DOP1B: variants seen among roughly 807,000 people sequenced by gnomAD.
DOP1B encodes the protein protein DOP1B.
Under a neutral mutation model 233.5 loss-of-function variants are expected in DOP1B, and 174 were observed. That is an observed-to-expected ratio of 0.75 (90% CI 0.66 to 0.85). The LOEUF (loss-of-function observed/expected upper bound fraction) is 0.85. Ranked by LOEUF, DOP1B falls within the 40% of genes least tolerant of loss-of-function variation. The probability of loss-of-function intolerance (pLI) is 0.00; values close to 1 mark genes in which losing one functional copy is unlikely to be tolerated. For synonymous variants in DOP1B, 1,190 were observed against 1,185.6 expected, an observed-to-expected ratio of 1.00 and a Z score of -0.08; for missense variants, 2,652 against 2,846.6, an observed-to-expected ratio of 0.93 and a Z score of 1.56.
chr21:36,249,190 G>A (rs1032231100), intron 21 of DOP1B, among the ~76,000 whole-genome samples: 1 of 152,050 alleles, frequency 6.6e-6, no homozygotes, highest in South Asian at 2.1e-4. Context: ...ACTTTGGGAG[G>A]CCAAGATGGG....
intron 2 of DOP1B, among the ~76,000 whole-genome samples, chr21:36,166,529 A>G (rs982183817): frequency 2.0e-5 from 3 of 152,122 alleles, no homozygotes; most frequent in Non-Finnish European, 4.4e-5. Context: ...AGATGGGAGC[A>G]TTATATTTTC....
At position 36,198,290 on chromosome 21, in the gene DOP1B, A is replaced by C. The variant is rs151070403; in HGVS notation, c.139-780A>C. Reference sequence around the variant, plus strand: ...TAAAAATACAAAAAATTAGTCAGGCATGGTGGCGGGCACCTGTAGTCCCAG... The same window carrying C: ...TAAAAATACAAAAAATTAGTCAGGCCTGGTGGCGGGCACCTGTAGTCCCAG... On this transcript the variant is annotated intron_variant, in intron 2 of 36. Transcript: ENST00000691173. Among the ~76,000 whole-genome samples, 1,472 of 151,416 alleles carry C rather than the reference A, an allele frequency of 9.7e-3. 23 individuals carry two copies. The highest frequency in any genetic ancestry group is 0.033 in the African/African-American group (1,354 of 41,320).
Position 36,199,083 on chromosome 21 carries a change from A to G in DOP1B, c.152A>G (p.Asn51Ser), listed in dbSNP as rs377183346. The change falls in exon 3 of 37, where the codon AAC (asparagine) becomes AGC (serine). Residue 51 changes from asparagine to serine, a missense_variant. Asn to Ser is a conservative substitution (Grantham distance 46). Coordinates refer to ENST00000691173, the MANE Select transcript of DOP1B (RefSeq NM_001320714.2). The part of the protein sequence containing the change: ...LGKLNKALQS[N>S]LRYSLLPRRL... ...CTTGTTTGACAGGCTCTTCAGAGTAACCTGAGGTACTCCTTGTTGCCAAGA... is the reference window on the plus strand; with the variant it reads ...CTTGTTTGACAGGCTCTTCAGAGTAGCCTGAGGTACTCCTTGTTGCCAAGA... The G allele has an allele frequency of 1.2e-5, 20 of 1,612,452 alleles. No homozygotes were observed. The highest frequency in any genetic ancestry group is 2.2e-5 in the South Asian group (2 of 90,702).
chr21:36,270,992 A>G (rs549205415), intron 27 of DOP1B, among the ~76,000 whole-genome samples: 3 of 151,782 alleles, frequency 2.0e-5, no homozygotes, highest in Admixed American at 6.6e-5. Context: ...GTATGCATAT[A>G]TCAGCAGGGA....
At chr21:36,276,926 G>A in intron 27 of DOP1B, 95 bp from the exon 28 acceptor site, 1 of 1,155,610 alleles carries the variant, frequency 8.7e-7, no homozygotes. Context: ...TGAAAGGCGG[G>A]AGCTGATGGC....
At chr21:36,262,436 T>G (rs2067181452) in intron 24 of DOP1B, among the ~76,000 whole-genome samples, 1 of 152,196 alleles carries the variant, frequency 6.6e-6, no homozygotes, top group African/African-American at 2.4e-5. Flanking sequence ...GCTTCCTCGC[T>G]TTGGAGCGGT....
chr21:36,266,946 C>G (rs1222067963), intron 26 of DOP1B, among the ~76,000 whole-genome samples: 2 of 152,224 alleles, frequency 1.3e-5, no homozygotes, highest in Non-Finnish European at 2.9e-5. Flanking sequence ...TTTCCTTGTG[C>G]CCTTCACACC....
chr21:36,174,683 A>G (rs1293505284), intron 2 of DOP1B, among the ~76,000 whole-genome samples: 1 of 151,822 alleles, frequency 6.6e-6, no homozygotes, highest in Non-Finnish European at 1.5e-5. Flanking sequence ...TAATTTTTGT[A>G]TTTTCTTTTC....
intron 10 of DOP1B, among the ~76,000 whole-genome samples, chr21:36,222,610 A>T (rs1986129975): frequency 6.6e-6 from 1 of 152,046 alleles, no homozygotes; most frequent in Admixed American, 6.6e-5. Context: ...ATAAACATTT[A>T]AAATCTTGGC....
chr21:36,185,017 T>C (rs949881483), intron 2 of DOP1B, among the ~76,000 whole-genome samples: 1 of 152,162 alleles, frequency 6.6e-6, no homozygotes, highest in Non-Finnish European at 1.5e-5. Flanking sequence ...CTGTTGAGGA[T>C]TTGTAGTAAG....
rs543011760 is a variant in DOP1B, at chr21:36,294,272, T to G, written c.*701T>G. 2.0e-5 allele frequency: 3 copies of G among 152,770 alleles called. No homozygotes were observed. The highest frequency in any genetic ancestry group is 7.2e-5 in the African/African-American group (3 of 41,590). 9.5% of individuals were successfully genotyped at this position (152,770 alleles called of 1,614,324 possible). A position where few individuals can be genotyped will look rare whatever the true frequency, so the allele number is the denominator to read the frequency against. On this transcript the variant is annotated 3_prime_UTR_variant, in exon 37 of 37. Coordinates refer to ENST00000691173, the MANE Select transcript of DOP1B (RefSeq NM_001320714.2). ...TTAAAAGAATGTTATTTTTAACCTTTCACACAAATGTCCTTTAAAGTGCTT... is the reference window on the plus strand; with the variant it reads ...TTAAAAGAATGTTATTTTTAACCTTGCACACAAATGTCCTTTAAAGTGCTT...
intron 36 of DOP1B, among the ~76,000 whole-genome samples, chr21:36,293,059 A>G (rs2067577146): frequency 6.6e-6 from 1 of 152,116 alleles, no homozygotes; most frequent in African/African-American, 2.4e-5. Context: ...TACAAAAATT[A>G]GCTGGTCATG....
intron 18 of DOP1B, among the ~76,000 whole-genome samples, chr21:36,242,529 T>A (rs2066903937): frequency 6.6e-6 from 1 of 152,056 alleles, no homozygotes; most frequent in South Asian, 2.1e-4. Context: ...GCTAGACTGG[T>A]CTTGAACTCC....
intron 1 of DOP1B, among the ~76,000 whole-genome samples, chr21:36,160,737 C>T (rs557693605): frequency 8.5e-5 from 13 of 152,168 alleles, no homozygotes; most frequent in Non-Finnish European, 1.6e-4. Context: ...CTCGGCCTCC[C>T]GAAGTGCTGG....
At chr21:36,234,320 A>G (rs1314573985) in intron 15 of DOP1B, among the ~76,000 whole-genome samples, 1 of 152,216 alleles carries the variant, frequency 6.6e-6, no homozygotes, top group Non-Finnish European at 1.5e-5. Flanking sequence ...AAAATTTGGC[A>G]TATTTACACT....
rs769527131 is a variant in DOP1B, at chr21:36,214,082, C to T, written c.906C>T (p.Gly302=). 1 of 1,611,698 alleles carries T rather than the reference C, an allele frequency of 6.2e-7. No individual in the cohort carries two copies. Among genetic ancestry groups the T allele is most frequent in the South Asian group, 1.1e-5 (1 of 90,614 alleles). Residue 302 remains glycine, a splice_region_variant and synonymous_variant, in exon 8 of 37, where the codon GGC becomes GGT. Transcript: ENST00000691173. ...AGCTCGGCGCTTGTTCTTTTGTAGGCTCAGACATAAAAGGAAATACCGTTG... is the reference window on the plus strand; with the variant it reads ...AGCTCGGCGCTTGTTCTTTTGTAGGTTCAGACATAAAAGGAAATACCGTTG... ...LNRRLYAWLL[G]SDIKGNTVVP... is the part of the protein sequence containing the mutation.
At chr21:36,213,188 A>G (rs2066520230) in intron 7 of DOP1B, among the ~76,000 whole-genome samples, 1 of 152,194 alleles carries the variant, frequency 6.6e-6, no homozygotes, top group East Asian at 1.9e-4. Flanking sequence ...GAAGCTTACT[A>G]AGGATTTTAA....
chr21:36,270,279 G>A (rs1248861595), intron 27 of DOP1B, 122 bp downstream of exon 27: 1 of 1,170,434 alleles, frequency 8.5e-7, no homozygotes, highest in African/African-American at 1.5e-5. Context: ...TAGGCTGGGT[G>A]CGGTGGCTCA....
chr21:36,173,517 G>A (rs1656714522), intron 2 of DOP1B, among the ~76,000 whole-genome samples: 1 of 151,678 alleles, frequency 6.6e-6, no homozygotes, highest in African/African-American at 2.4e-5. Flanking sequence ...CGCCTCCTGG[G>A]TTCAAGCAAT....
Sources: gnomAD v4.1 joint callset for allele counts (sites outside exome capture counted in the v4.1 genomes callset) on GRCh38, gnomAD v4.1.1 for gene constraint, MANE v1.5 for transcripts, NCBI Gene and HGNC (gene_info 2026-07-23, HGNC 2026-07-21) for gene names.